Variants in GPM6A observed in about 807,000 individuals in gnomAD.
The protein encoded by GPM6A is glycoprotein M6A, also known as neuronal membrane glycoprotein M6-a.
In GPM6A, 7 loss-of-function variants were observed where a neutral mutation model predicts 32.1. The observed-to-expected ratio is 0.22, with a 90% confidence interval of 0.12 to 0.41. The LOEUF is 0.41. Among genes scored for constraint, GPM6A ranks in the 10% least tolerant of loss-of-function variants. The pLI is 1.00. For synonymous variants in GPM6A, 130 were observed against 123.4 expected (o/e 1.05, Z -0.35); for missense variants, 235 against 347.2 (o/e 0.68, Z 2.57).
chr4:175,818,707 A>C lies in GPM6A; in HGVS notation c.-22-6458T>G, dbSNP rs7680781. Among the ~76,000 whole-genome samples the C allele has an allele frequency of 1.8e-3, 275 of 152,354 alleles. 2 individuals carry two copies. Among genetic ancestry groups the C allele is most frequent in the African/African-American group, 6.1e-3 (254 of 41,582 alleles). On this transcript the variant is annotated intron_variant, in intron 1 of 7. Transcript: ENST00000280187. ...TTATGTTTATCTGCTTCCACAAAAT[A>C]TTTTAGAGGGTGAACATAATTTACA...
intron 1 of GPM6A, among the ~76,000 whole-genome samples, chr4:175,739,260 A>G (rs1222870860): frequency 6.6e-6 from 1 of 152,180 alleles, no homozygotes; most frequent in Non-Finnish European, 1.5e-5. Context: ...TAGGTCATTT[A>G]GTCATCTGGC....
chr4:175,974,650 T>C (rs562604793), intron 1 of GPM6A, among the ~76,000 whole-genome samples: 2 of 152,250 alleles, frequency 1.3e-5, no homozygotes, highest in South Asian at 4.1e-4. Context: ...ATCCTATTTA[T>C]GTCTTCCAGA....
chr4:175,693,166 G>A (rs1257716633), intron 2 of GPM6A, among the ~76,000 whole-genome samples: 78 of 151,754 alleles, frequency 5.1e-4, no homozygotes, highest in Admixed American at 5.1e-3. Context: ...TTCTAAAGAT[G>A]AGCACAGTGA....
At chr4:175,763,813 A>T (rs991796916) in intron 1 of GPM6A, among the ~76,000 whole-genome samples, 1 of 152,130 alleles carries the variant, frequency 6.6e-6, no homozygotes, top group Non-Finnish European at 1.5e-5. Context: ...CCAGTGAAAA[A>T]TTTTCAATGT....
intron 1 of GPM6A, among the ~76,000 whole-genome samples, chr4:175,818,588 G>A (rs1735181834): frequency 6.6e-6 from 1 of 152,208 alleles, no homozygotes; most frequent in Non-Finnish European, 1.5e-5. Context: ...GATACTTGTT[G>A]AATGCATGCA....
chr4:175,917,967 C>T lies in GPM6A; in HGVS notation c.-23+84342G>A, dbSNP rs35996470. 9.0e-3 allele frequency among the ~76,000 whole-genome samples: 1,371 copies of T among 152,134 alleles called. 14 individuals carry two copies. Among genetic ancestry groups the T allele is most frequent in the Non-Finnish European group, 0.011 (744 of 67,978 alleles). ...AAATTTAAAACAGTTTTTAAAAAGT[C>T]TATCTCATTTTAAATAGTAACTGAA... On this transcript the variant is annotated intron_variant, in intron 1 of 7. Transcript: ENST00000280187.
intron 1 of GPM6A, among the ~76,000 whole-genome samples, chr4:175,719,627 T>C (rs1746013505): frequency 6.6e-6 from 1 of 152,096 alleles, no homozygotes; most frequent in South Asian, 2.1e-4. Flanking sequence ...AGAAACAAAT[T>C]GCCACCATTT....
At chr4:175,839,328 A>G (rs886457886) in intron 1 of GPM6A, among the ~76,000 whole-genome samples, 5 of 152,170 alleles carry the variant, frequency 3.3e-5, no homozygotes, top group African/African-American at 7.2e-5. Context: ...TCTAACTAAG[A>G]CTAACATTCC....
In GPM6A at chr4:175,700,672, A is replaced by T. The variant is rs140599424; in HGVS notation, c.230+903T>A. 1.1e-4 allele frequency among the ~76,000 whole-genome samples: 16 copies of T among 152,364 alleles called. No individual in the cohort carries two copies. The East Asian group carries it at 2.9e-3, about 28-fold the overall frequency. ...ATAAAGGAACATGAAGAAGATTACA[A>T]ACACAGGTATCAAACAGCATGAAAT... On this transcript the variant is annotated intron_variant, in intron 2 of 6. Transcript: ENST00000393658.
chr4:175,652,223 A>G (rs1179502129), intron 3 of GPM6A, among the ~76,000 whole-genome samples: 1 of 152,180 alleles, frequency 6.6e-6, no homozygotes, highest in African/African-American at 2.4e-5. Flanking sequence ...CAAAGAAAAA[A>G]ATAATCCATC....
At chr4:175,996,693 A>C (rs1263087201) in intron 1 of GPM6A, among the ~76,000 whole-genome samples, 2 of 152,188 alleles carry the variant, frequency 1.3e-5, no homozygotes, top group Non-Finnish European at 2.9e-5. Context: ...TTTTAGTGTG[A>C]CTGTTTAGAT....
chr4:175,711,613 T>C (rs1745549526), intron 1 of GPM6A, among the ~76,000 whole-genome samples: 1 of 150,262 alleles, frequency 6.7e-6, no homozygotes, highest in African/African-American at 2.5e-5. Flanking sequence ...TTACCTAAAA[T>C]AGGAATTTGA....
chr4:175,695,293 C>T (rs2111047414), intron 2 of GPM6A, among the ~76,000 whole-genome samples: 1 of 152,244 alleles, frequency 6.6e-6, no homozygotes, highest in Middle Eastern at 3.4e-3. Flanking sequence ...CCTCTAGACC[C>T]CAGAATGGTA....
chr4:175,972,003 C>T (rs993304697), intron 1 of GPM6A: 1 of 152,140 alleles, frequency 6.6e-6, no homozygotes, highest in Non-Finnish European at 1.5e-5. Context: ...CGGTTGTCTA[C>T]TTGAAAAGTA....
chr4:175,689,322 G>A (rs550447558), intron 2 of GPM6A, among the ~76,000 whole-genome samples: 13 of 152,228 alleles, frequency 8.5e-5, no homozygotes, highest in African/African-American at 3.1e-4. Context: ...ACAATATTAA[G>A]TTTTTCAGTG....
chr4:175,868,615 T>C (rs1219242383), intron 1 of GPM6A, among the ~76,000 whole-genome samples: 3 of 152,230 alleles, frequency 2.0e-5, no homozygotes, highest in African/African-American at 7.2e-5. Context: ...TCCAAATGTT[T>C]GAGGATTTTC....
chr4:175,864,562 A>C (rs2111426669), intron 1 of GPM6A, among the ~76,000 whole-genome samples: 1 of 152,300 alleles, frequency 6.6e-6, no homozygotes, highest in African/African-American at 2.4e-5. Flanking sequence ...TTTTTTAATA[A>C]AAATTTACAA....
intron 1 of GPM6A, among the ~76,000 whole-genome samples, chr4:175,886,666 CA>C (rs1737467219): frequency 6.7e-6 from 1 of 149,570 alleles, no homozygotes. Context: ...AACATTTGAT[CA>C]ACGAAATACA....
At chr4:175,737,331 C>T (rs1045478427) in intron 1 of GPM6A, among the ~76,000 whole-genome samples, 16 of 151,800 alleles carry the variant, frequency 1.1e-4, no homozygotes, top group Non-Finnish European at 1.6e-4. Flanking sequence ...TAATCCTGCA[C>T]GCCCGTAATC....
Sources: allele counts gnomAD v4.1 joint callset (sites outside exome capture counted in the v4.1 genomes callset), GRCh38; gene constraint gnomAD v4.1.1; transcripts MANE v1.5; gene names NCBI Gene and HGNC (gene_info 2026-07-23, HGNC 2026-07-21).